Variants in SLC24A3 observed in about 807,000 individuals in gnomAD.
The protein encoded by SLC24A3 is sodium/potassium/calcium exchanger 3.
Under a neutral mutation model 75.8 loss-of-function variants are expected in SLC24A3, and 28 were observed. That is an observed-to-expected ratio of 0.37 (90% CI 0.27 to 0.51). The LOEUF is 0.51. Among genes scored for constraint, SLC24A3 ranks in the 20% least tolerant of loss-of-function variants. SLC24A3 has a pLI of 0.94. For missense variants in SLC24A3, 663 were observed against 847.8 expected (o/e 0.78, Z 2.71); for synonymous variants, 372 against 334.1 (o/e 1.11, Z -1.24).
chr20:19,441,786 A>C (rs1020206429), intron 2 of SLC24A3, among the ~76,000 whole-genome samples: 1 of 152,152 alleles, frequency 6.6e-6, no homozygotes, highest in Non-Finnish European at 1.5e-5. Flanking sequence ...GTATCCTACA[A>C]AATTGTTTAA....
intron 1 of SLC24A3, among the ~76,000 whole-genome samples, chr20:19,216,738 C>T (rs1251883724): frequency 6.6e-6 from 1 of 152,170 alleles, no homozygotes; most frequent in African/African-American, 2.4e-5. Flanking sequence ...GAGCTACTTT[C>T]TATACTAGTT....
At chr20:19,325,180 TA>T (rs1383151834) in intron 2 of SLC24A3, among the ~76,000 whole-genome samples, 1 of 151,826 alleles carries the variant, frequency 6.6e-6, no homozygotes, top group Non-Finnish European at 1.5e-5. Flanking sequence ...ATAACCCCAA[TA>T]CTTTGGGAGG....
rs907444062 is a variant in SLC24A3, at chr20:19,538,040, T to TA, written c.348+22485dup. ...CTTAAAGTATAATAATAATAAAATT[T>TA]AAAAAAAAATGGGGGTAGTTTGGTA... On this transcript the variant is annotated intron_variant, in intron 3 of 16. Coordinates refer to ENST00000328041, the MANE Select transcript of SLC24A3 (RefSeq NM_020689.4). Among the ~76,000 whole-genome samples, 227 of 151,008 alleles carry TA rather than the reference T, an allele frequency of 1.5e-3. 1 individual carries two copies. Among genetic ancestry groups the TA allele is most frequent in the African/African-American group, 5.3e-3 (217 of 41,208 alleles).
chr20:19,573,567 T>G (rs2031086076), intron 3 of SLC24A3, among the ~76,000 whole-genome samples: 1 of 152,202 alleles, frequency 6.6e-6, no homozygotes, highest in East Asian at 1.9e-4. Flanking sequence ...CCTCACATAG[T>G]TAGAAATACA....
intron 1 of SLC24A3, among the ~76,000 whole-genome samples, chr20:19,256,289 T>C (rs186302626): frequency 6.6e-6 from 1 of 152,126 alleles, no homozygotes; most frequent in Non-Finnish European, 1.5e-5. Context: ...GGCAGCTCCA[T>C]AGAGACAGAA....
At chr20:19,418,910 C>T (rs1472691599) in intron 2 of SLC24A3, among the ~76,000 whole-genome samples, 1 of 152,084 alleles carries the variant, frequency 6.6e-6, no homozygotes, top group Non-Finnish European at 1.5e-5. Context: ...TTGAGCATCA[C>T]TTAGAATAAT....
intron 3 of SLC24A3, among the ~76,000 whole-genome samples, chr20:19,554,485 TCA>T (rs554298824): frequency 6.6e-6 from 1 of 152,174 alleles, no homozygotes; most frequent in Non-Finnish European, 1.5e-5. Flanking sequence ...TACACTGGGC[TCA>T]GAGTTCACTT....
At chr20:19,611,744 CTGTTGG>C (rs968120310) in intron 6 of SLC24A3, among the ~76,000 whole-genome samples, 9 of 152,214 alleles carry the variant, frequency 5.9e-5, no homozygotes. Flanking sequence ...CTTGAAGGGT[CTGTTGG>C]TCCCACACCT....
At position 19,690,030 on chromosome 20, in the gene SLC24A3, C is replaced by CAAA. The variant is rs538406361; in HGVS notation, c.1325-3210_1325-3208dup. Among the ~76,000 whole-genome samples, 300 of 87,512 alleles carry CAAA rather than the reference C, an allele frequency of 3.4e-3. 16 individuals carry two copies. The highest frequency in any genetic ancestry group is 8.2e-3 in the Middle Eastern group (1 of 122). 57.4% of individuals were successfully genotyped at this position (87,512 alleles called of 152,430 possible). ...TGGACAAAAGAGTGAGACTCTGTCT[C>CAAA]AAAAAAAAAAAAAAAAAAAAAGGAA... On this transcript the variant is annotated intron_variant, in intron 12 of 16. Transcript: ENST00000328041.
Position 19,515,523 on chromosome 20 carries a change from G to A in SLC24A3, c.307G>A (p.Glu103Lys), listed in dbSNP as rs376047219. The change falls in exon 3 of 17, where the codon GAG becomes AAG. Residue 103 changes from glutamate to lysine, a missense_variant. Physicochemically the swap from Glu to Lys is moderately conservative, Grantham distance 56. Transcript: ENST00000328041. ...HEFPNDIFTN[E>K]DRRQGAVVLH... Reference sequence around the variant, plus strand: ...ATTCCCCAATGACATCTTCACAAACGAGGATAGAAGACAAGGTGCGGTGGT... The same window carrying A: ...ATTCCCCAATGACATCTTCACAAACAAGGATAGAAGACAAGGTGCGGTGGT... 22 of 1,614,040 alleles carry A rather than the reference G, an allele frequency of 1.4e-5. No homozygotes were observed. The highest frequency in any genetic ancestry group is 1.6e-5 in the Non-Finnish European group (19 of 1,180,014).
chr20:19,714,850 G>A (rs1961323169), intron 15 of SLC24A3, among the ~76,000 whole-genome samples: 1 of 152,184 alleles, frequency 6.6e-6, no homozygotes, highest in African/African-American at 2.4e-5. Flanking sequence ...GAAAATGTTT[G>A]GCCAAAGGGA....
Position 19,275,266 on chromosome 20 carries a change from G to C in SLC24A3, c.143-5693G>C, listed in dbSNP as rs115870310. ...AGCTTTGCAGTCAGCTCTGGCCTAG[G>C]GTCCTGGCTTGGCTGCTTACCTGCA... On this transcript the variant is annotated intron_variant, in intron 1 of 16. Transcript: ENST00000328041. Among the ~76,000 whole-genome samples, 424 of 152,292 alleles carry C rather than the reference G, an allele frequency of 2.8e-3. 2 individuals are homozygous for C. The highest frequency in any genetic ancestry group is 9.6e-3 in the African/African-American group (398 of 41,564).
At chr20:19,489,913 T>C (rs1988183994) in intron 2 of SLC24A3, among the ~76,000 whole-genome samples, 3 of 152,192 alleles carry the variant, frequency 2.0e-5, no homozygotes, top group Non-Finnish European at 4.4e-5. Flanking sequence ...TGTTGCCCCA[T>C]TTTCTTTCTG....
At chr20:19,243,020 G>C (rs1982376469) in intron 1 of SLC24A3, among the ~76,000 whole-genome samples, 1 of 152,032 alleles carries the variant, frequency 6.6e-6, no homozygotes, top group African/African-American at 2.4e-5. Context: ...TGTTCAGAAA[G>C]TGTCTGTCTC....
At position 19,229,910 on chromosome 20, in the gene SLC24A3, C is replaced by A. The variant is rs190338616; in HGVS notation, c.142+16926C>A. 1.7e-3 allele frequency among the ~76,000 whole-genome samples: 263 copies of A among 152,058 alleles called. 4 individuals are homozygous for A. The highest frequency in any genetic ancestry group is 5.7e-3 in the African/African-American group (235 of 41,484). ...GTGTTTGCATTTCTGGTTTTTTAAC[C>A]ATTTTATGTCTTGTCATCTCCATCT... On this transcript the variant is annotated intron_variant, in intron 1 of 16. Transcript: ENST00000328041.
intron 6 of SLC24A3, among the ~76,000 whole-genome samples, chr20:19,641,358 C>G (rs1182814959): frequency 6.6e-6 from 1 of 152,196 alleles, no homozygotes; most frequent in Non-Finnish European, 1.5e-5. Context: ...TTAAACCCAG[C>G]AATTCCACAC....
chr20:19,707,578 G>A (rs1192725679), intron 15 of SLC24A3, among the ~76,000 whole-genome samples: 1 of 152,174 alleles, frequency 6.6e-6, no homozygotes, highest in African/African-American at 2.4e-5. Flanking sequence ...ATGCATAGGA[G>A]GCAAGAGTGG....
At chr20:19,596,176 A>G (rs368211561) in intron 6 of SLC24A3, among the ~76,000 whole-genome samples, 3 of 152,154 alleles carry the variant, frequency 2.0e-5, no homozygotes, top group East Asian at 1.9e-4. Context: ...TGCTTGGCAG[A>G]GAAAGGATAC....
At chr20:19,706,268 C>T (rs2032928856) in intron 15 of SLC24A3, among the ~76,000 whole-genome samples, 2 of 152,150 alleles carry the variant, frequency 1.3e-5, no homozygotes, top group African/African-American at 4.8e-5. Flanking sequence ...GGAGATGGTG[C>T]AGTAAGCAAG....
Sources: allele counts gnomAD v4.1 joint callset (sites outside exome capture counted in the v4.1 genomes callset), GRCh38; gene constraint gnomAD v4.1.1; transcripts MANE v1.5; gene names NCBI Gene and HGNC (gene_info 2026-07-23, HGNC 2026-07-21).